TNS3: variants seen among roughly 807,000 people sequenced by gnomAD.
TNS3 encodes tensin-3.
In TNS3, 45 loss-of-function variants were observed where a neutral mutation model predicts 140.9. The observed-to-expected ratio is 0.32, with a 90% CI of 0.25 to 0.41. TNS3 has a LOEUF of 0.41. Among genes scored for constraint, TNS3 ranks in the 10% least tolerant of loss-of-function variants. TNS3 has a pLI of 1.00. For missense variants in TNS3, 1,716 were observed against 1,906.7 expected (o/e 0.90, Z 1.86); for synonymous variants, 815 against 788.4 (o/e 1.03, Z -0.56).
chr7:47,559,664 C>G (rs1018240582), intron 1 of TNS3, among the ~76,000 whole-genome samples: 1 of 152,090 alleles, frequency 6.6e-6, no homozygotes, highest in African/African-American at 2.4e-5. Context: ...ATCTCTGAGG[C>G]CTCCATCAAA....
At chr7:47,411,183 C>T (rs1053357443) in intron 13 of TNS3, among the ~76,000 whole-genome samples, 2 of 152,116 alleles carry the variant, frequency 1.3e-5, no homozygotes, top group African/African-American at 2.4e-5. Context: ...TTGTATATCT[C>T]GAGGGGCTCT....
At chr7:47,511,853 G>A (rs541327068) in intron 2 of TNS3, among the ~76,000 whole-genome samples, 10 of 152,298 alleles carry the variant, frequency 6.6e-5, no homozygotes, top group South Asian at 4.1e-4. Flanking sequence ...CACACTGCCC[G>A]GAGCCTGCCG....
intron 1 of TNS3, among the ~76,000 whole-genome samples, chr7:47,532,988 G>A (rs1026090289): frequency 3.7e-4 from 56 of 150,276 alleles, no homozygotes; most frequent in African/African-American, 1.4e-3. Flanking sequence ...ACAATAGGTA[G>A]GAGAAATAGA....
chr7:47,537,080 G>GC (rs1799626851), intron 1 of TNS3, among the ~76,000 whole-genome samples: 1 of 151,844 alleles, frequency 6.6e-6, no homozygotes, highest in Non-Finnish European at 1.5e-5. Context: ...CCTCCCGGTG[G>GC]CCCAGGGGTC....
At chr7:47,470,374 A>T in intron 4 of TNS3, 1 of 858,746 alleles carries the variant, frequency 1.2e-6, no homozygotes, top group Non-Finnish European at 1.4e-6. Flanking sequence ...TAAAAATCTT[A>T]AAATAAATAA....
chr7:47,284,341 T>C (rs377434536), intron 27 of TNS3, among the ~76,000 whole-genome samples: 7 of 152,240 alleles, frequency 4.6e-5, no homozygotes, highest in African/African-American at 1.7e-4. Flanking sequence ...CAAATCCTGG[T>C]TGCCAAGAGA....
chr7:47,528,779 G>T lies in TNS3; in HGVS notation c.-153+257C>A, dbSNP rs372547254. 2.9e-4 allele frequency among the ~76,000 whole-genome samples: 44 copies of T among 152,168 alleles called. 1 individual carries two copies. Among genetic ancestry groups the T allele is most frequent in the Non-Finnish European group, 1.6e-4 (11 of 68,040 alleles). ...CTTCAGAGCAGACCTGAGAATAAAT[G>T]ATTAATTTACAAATTGCTGCCTCCT... is the stretch of plus-strand genomic sequence containing the variant. On this transcript the variant is annotated intron_variant, in intron 2 of 30. Coordinates refer to ENST00000311160, the MANE Select transcript of TNS3 (RefSeq NM_022748.12).
At chr7:47,297,745 A>G (rs1353251311) in intron 23 of TNS3, among the ~76,000 whole-genome samples, 2 of 151,356 alleles carry the variant, frequency 1.3e-5, no homozygotes, top group Non-Finnish European at 2.9e-5. Flanking sequence ...ATTTTAGAAC[A>G]TGAGAACATG....
chr7:47,458,520 T>C, intron 4 of TNS3, among the ~76,000 whole-genome samples: 1 of 152,260 alleles, frequency 6.6e-6, no homozygotes, highest in Admixed American at 6.5e-5. Flanking sequence ...GATCTGAAAA[T>C]GATAATAAAA....
At chr7:47,473,130 C>T (rs920821582) in intron 4 of TNS3, among the ~76,000 whole-genome samples, 4 of 152,122 alleles carry the variant, frequency 2.6e-5, no homozygotes, top group Non-Finnish European at 4.4e-5. Context: ...TATGCACAGG[C>T]TAACTAAACA....
At position 47,455,697 on chromosome 7, in the gene TNS3, G is replaced by C. The variant is rs143447203; in HGVS notation, c.-75-13642C>G. 2.1e-3 allele frequency among the ~76,000 whole-genome samples: 319 copies of C among 152,300 alleles called. 4 individuals carry two copies. The highest frequency in any genetic ancestry group is 7.4e-3 in the African/African-American group (307 of 41,558). ...TTAAGACCCCATAAAGGAGAGAGAA[G>C]GCAGTGCCAGAGGTGGCGGCGATGG... On this transcript the variant is annotated intron_variant, in intron 4 of 30. Coordinates refer to ENST00000311160, the MANE Select transcript of TNS3 (RefSeq NM_022748.12).
chr7:47,315,601 G>C (rs1051011277), intron 20 of TNS3, among the ~76,000 whole-genome samples: 1 of 152,216 alleles, frequency 6.6e-6, no homozygotes, highest in Non-Finnish European at 1.5e-5. Flanking sequence ...AAGTTAACAG[G>C]AAGAGGAGAA....
chr7:47,375,115 T>C (rs773547502), intron 16 of TNS3, among the ~76,000 whole-genome samples: 10 of 152,224 alleles, frequency 6.6e-5, no homozygotes, highest in African/African-American at 9.6e-5. Context: ...TGGGGAAGTC[T>C]GAATCAACCC....
At chr7:47,285,306 C>T (rs1371989204) in intron 27 of TNS3, among the ~76,000 whole-genome samples, 1 of 152,154 alleles carries the variant, frequency 6.6e-6, no homozygotes, top group African/African-American at 2.4e-5. Context: ...GGCTCTGTCC[C>T]CACCCAAATC....
intron 13 of TNS3, among the ~76,000 whole-genome samples, chr7:47,411,222 T>G (rs1793749718): frequency 6.6e-6 from 1 of 152,192 alleles, no homozygotes; most frequent in African/African-American, 2.4e-5. Context: ...GAATGAAGAT[T>G]TGTTCCGTCC....
At chr7:47,364,539 A>C (rs975592232) in intron 17 of TNS3, among the ~76,000 whole-genome samples, 2 of 152,048 alleles carry the variant, frequency 1.3e-5, no homozygotes, top group Non-Finnish European at 2.9e-5. Context: ...GCCTCGGCCC[A>C]GTAAGCATCT....
chr7:47,444,369 C>T (rs185442704), intron 4 of TNS3, among the ~76,000 whole-genome samples: 2 of 152,256 alleles, frequency 1.3e-5, no homozygotes, highest in African/African-American at 4.8e-5. Flanking sequence ...CCCTATGTCA[C>T]GCTTATCATT....
intron 2 of TNS3, among the ~76,000 whole-genome samples, chr7:47,511,981 G>T (rs989781979): frequency 6.6e-6 from 1 of 152,224 alleles, no homozygotes; most frequent in Non-Finnish European, 1.5e-5. Context: ...TACTTTAGAC[G>T]CCTTGTTCCA....
intron 4 of TNS3, among the ~76,000 whole-genome samples, chr7:47,447,769 C>T (rs866565376): frequency 1.3e-5 from 2 of 152,204 alleles, no homozygotes; most frequent in Non-Finnish European, 1.5e-5. Flanking sequence ...CATCCCACAG[C>T]GCCCCACCCC....
Sources: gnomAD v4.1 joint callset for allele counts (sites outside exome capture counted in the v4.1 genomes callset) on GRCh38, gnomAD v4.1.1 for gene constraint, MANE v1.5 for transcripts, NCBI Gene and HGNC (gene_info 2026-07-23, HGNC 2026-07-21) for gene names.